Variants in DLGAP1 observed in about 807,000 individuals in gnomAD.
The protein encoded by DLGAP1 is disks large-associated protein 1.
DLGAP1 carries 11 observed loss-of-function variants against 90.8 expected under a neutral mutation model. That is an observed-to-expected ratio of 0.12 (90% confidence interval 0.08 to 0.20). DLGAP1 has a LOEUF of 0.20. DLGAP1 is among the 10% of genes least tolerant of loss of function. The probability of loss-of-function intolerance (pLI) is 1.00; values close to 1 mark genes in which losing one functional copy is unlikely to be tolerated. For missense variants in DLGAP1, 1,050 were observed against 1,333.8 expected (o/e 0.79, Z 3.31); for synonymous variants, 558 against 540.7 (o/e 1.03, Z -0.44).
chr18:3,593,157 C>G (rs1378500728), intron 7 of DLGAP1, among the ~76,000 whole-genome samples: 1 of 152,066 alleles, frequency 6.6e-6, no homozygotes, highest in African/African-American at 2.4e-5. Flanking sequence ...CTAGTAAACA[C>G]CTTGTCCACT....
At chr18:3,748,300 T>C (rs1347243498) in intron 5 of DLGAP1, among the ~76,000 whole-genome samples, 3 of 152,236 alleles carry the variant, frequency 2.0e-5, no homozygotes, top group Non-Finnish European at 4.4e-5. Context: ...AGGCTGCCAT[T>C]GCGAAGAAGA....
At chr18:3,951,603 T>G (rs1199816979) in intron 3 of DLGAP1, among the ~76,000 whole-genome samples, 1 of 152,236 alleles carries the variant, frequency 6.6e-6, no homozygotes, top group African/African-American at 2.4e-5. Flanking sequence ...TTATATGGTT[T>G]GGCTGTGTCT....
At chr18:4,028,853 G>A (rs1179622283) in intron 2 of DLGAP1, among the ~76,000 whole-genome samples, 1 of 152,046 alleles carries the variant, frequency 6.6e-6, no homozygotes, top group Non-Finnish European at 1.5e-5. Flanking sequence ...TGTGCTAAAT[G>A]CCATCTAACC....
intron 1 of DLGAP1, among the ~76,000 whole-genome samples, chr18:4,346,435 C>T (rs1381725336): frequency 2.6e-5 from 4 of 152,148 alleles, no homozygotes; most frequent in South Asian, 4.1e-4. Context: ...TATTTTATCC[C>T]TAACTCAGAA....
In DLGAP1 at chr18:3,594,426, C is replaced by T. The variant is rs1347230845; in HGVS notation, c.1592-12178G>A. ...GGGCAGTCCTACTCTCTAGTGTCCC[C>T]TTGTGGCCAAGCCTGGAACATCACA... On this transcript the variant is annotated intron_variant, in intron 7 of 12. Coordinates refer to ENST00000315677, the MANE Select transcript of DLGAP1 (RefSeq NM_004746.4). 2.0e-5 allele frequency: 3 copies of T among 149,780 alleles called. No homozygotes were observed. In the East Asian group the frequency reaches 6.0e-4, roughly 30 times the overall value. The allele number at this position is 149,780 out of a possible 1,614,324, so 9.3% of individuals were successfully genotyped here.
At chr18:3,646,730 C>T (rs949405918) in intron 7 of DLGAP1, among the ~76,000 whole-genome samples, 2 of 151,996 alleles carry the variant, frequency 1.3e-5, no homozygotes, top group African/African-American at 2.4e-5. Context: ...TGAGACCATC[C>T]TGGCTAACAC....
In DLGAP1 at chr18:3,918,485, A is replaced by G. The variant is rs115068324; in HGVS notation, c.-72-38345T>C. Among the ~76,000 whole-genome samples, 1,148 of 152,358 alleles carry G rather than the reference A, an allele frequency of 7.5e-3. 13 individuals carry two copies. Among genetic ancestry groups the G allele is most frequent in the African/African-American group, 0.027 (1,118 of 41,570 alleles). On this transcript the variant is annotated intron_variant, in intron 3 of 12. Coordinates refer to ENST00000315677, the MANE Select transcript of DLGAP1 (RefSeq NM_004746.4). ...AGGTGAGAAGAGATAGAAACCAACA[A>G]ACAATGAACCAAACACAGACATCAA...
rs761770912 is a variant in DLGAP1, at chr18:3,879,545, G to A, written c.524C>T (p.Ala175Val). The A allele has an allele frequency of 1.3e-6, 2 of 1,599,466 alleles. No homozygotes were observed. The highest frequency in any genetic ancestry group is 1.7e-6 in the Non-Finnish European group (2 of 1,177,944). ...GGKASPDEAQ[A>V]ARYGKRSKSK... ...CTTGCTGCGTTTGCCATAGCGCGCC[G>A]CCTGCGCCTCGTCAGGGCTGGCCTT... The change falls in exon 4 of 13, where the codon GCG (alanine) becomes GTG (valine). Residue 175 changes from alanine to valine, a missense_variant. Transcript: ENST00000315677. The surrounding 1 kb of genome is among the most constrained non-coding windows in gnomAD (Gnocchi z 6.6).
At chr18:3,688,614 G>GACAC (rs60415611) in intron 7 of DLGAP1, among the ~76,000 whole-genome samples, 127 of 100,728 alleles carry the variant, frequency 1.3e-3, no homozygotes, top group African/African-American at 4.8e-3. Context: ...ATTAAAAAAA[G>GACAC]ACACACACAC....
intron 1 of DLGAP1, among the ~76,000 whole-genome samples, chr18:4,436,315 C>A (rs2083397551): frequency 6.6e-6 from 1 of 152,018 alleles, no homozygotes; most frequent in African/African-American, 2.4e-5. Context: ...AACCTAAAAG[C>A]CAGTGGTTCT....
At chr18:4,071,689 T>G (rs1010563038) in intron 2 of DLGAP1, among the ~76,000 whole-genome samples, 5 of 152,216 alleles carry the variant, frequency 3.3e-5, no homozygotes, top group Non-Finnish European at 5.9e-5. Context: ...GCAAGAAAAG[T>G]TTGTCTCTGA....
chr18:4,236,395 G>T (rs2145094358), intron 1 of DLGAP1, among the ~76,000 whole-genome samples: 1 of 152,264 alleles, frequency 6.6e-6, no homozygotes, highest in Admixed American at 6.5e-5. Context: ...TGTGCAAACT[G>T]CACCTAGTAA....
chr18:3,898,001 A>G lies in DLGAP1; in HGVS notation c.-72-17861T>C, dbSNP rs575723619. ...AGTAGAGACGGGGTTTCACCTTGTT[A>G]GCCAGGATGGTCTCGATCTCCTGAC... On this transcript the variant is annotated intron_variant, in intron 3 of 12. Coordinates refer to ENST00000315677, the MANE Select transcript of DLGAP1 (RefSeq NM_004746.4). 1.7e-4 allele frequency among the ~76,000 whole-genome samples: 26 copies of G among 151,954 alleles called. No individual in the cohort carries two copies. The East Asian group carries it at 2.9e-3, about 17-fold the overall frequency.
intron 9 of DLGAP1, among the ~76,000 whole-genome samples, chr18:3,551,921 G>C (rs539463465): frequency 1.1e-3 from 162 of 151,058 alleles, no homozygotes; most frequent in Non-Finnish European, 1.9e-3. Flanking sequence ...TGGGACTACA[G>C]GCAGCCGCCA....
intron 5 of DLGAP1, among the ~76,000 whole-genome samples, chr18:3,749,127 C>T (rs1378362343): frequency 6.7e-6 from 1 of 150,208 alleles, no homozygotes; most frequent in Non-Finnish European, 1.5e-5. Flanking sequence ...CCTCCTCTTC[C>T]TCCTCCTCCT....
chr18:4,149,374 A>C (rs1417363368), intron 2 of DLGAP1, among the ~76,000 whole-genome samples: 1 of 152,230 alleles, frequency 6.6e-6, no homozygotes, highest in Non-Finnish European at 1.5e-5. Flanking sequence ...TTTAAAACAC[A>C]AAACTTTTTT....
At chr18:3,674,514 T>G (rs2060223976) in intron 7 of DLGAP1, among the ~76,000 whole-genome samples, 1 of 150,124 alleles carries the variant, frequency 6.7e-6, no homozygotes, top group Non-Finnish European at 1.5e-5. Flanking sequence ...CAGCTACTCA[T>G]GAGGCTGAGG....
At chr18:4,331,133 A>T (rs2143727303) in intron 1 of DLGAP1, among the ~76,000 whole-genome samples, 1 of 151,882 alleles carries the variant, frequency 6.6e-6, no homozygotes, top group Middle Eastern at 3.4e-3. Flanking sequence ...GATCTACTTC[A>T]TTTGACATTA....
chr18:3,937,616 G>C (rs1004080315), intron 3 of DLGAP1, among the ~76,000 whole-genome samples: 1 of 152,212 alleles, frequency 6.6e-6, no homozygotes, highest in Non-Finnish European at 1.5e-5. Context: ...TCACCTCTCT[G>C]AGATGCAGTG....
Sources: gnomAD v4.1 joint callset for allele counts (sites outside exome capture counted in the v4.1 genomes callset) on GRCh38, gnomAD v4.1.1 for gene constraint, Gnocchi (gnomAD v3.1) non-coding constraint, MANE v1.5 for transcripts, NCBI Gene and HGNC (gene_info 2026-07-23, HGNC 2026-07-21) for gene names.